PUDP: variants seen among roughly 807,000 people sequenced by gnomAD.
PUDP encodes pseudouridine 5'-phosphatase, also known as pseudouridine-5'-phosphatase.
PUDP carries 8 observed loss-of-function variants against 9.4 expected under a neutral mutation model. The ratio of observed to expected loss-of-function variants is 0.85; its 90% CI spans 0.50 to 1.53. PUDP has a LOEUF of 1.53. Ranked by LOEUF, PUDP falls within the 40% of genes most tolerant of loss-of-function variation. The pLI, the probability that PUDP is intolerant of heterozygous loss-of-function variation, is 0.00. For missense variants in PUDP, 188 were observed against 189.7 expected (o/e 0.99, Z 0.05); for synonymous variants, 99 against 80.7 (o/e 1.23, Z -1.22).
intron 1 of PUDP, among the ~76,000 whole-genome samples, chrX:6,719,528 G>T (rs1924637188): frequency 8.9e-6 from 1 of 112,198 alleles, no homozygotes; most frequent in African/African-American, 3.2e-5. Flanking sequence ...GCAGTAACTT[G>T]TTATGCAGCA....
downstream of PUDP, among the ~76,000 whole-genome samples, chrX:7,047,040 T>C (rs779260783): frequency 8.9e-6 from 1 of 112,182 alleles, no homozygotes; most frequent in East Asian, 2.8e-4. Context: ...GAGAAGCCCC[T>C]GCCATACTGT....
At chrX:6,713,052 C>T (rs994718060) in intron 1 of PUDP, among the ~76,000 whole-genome samples, 1 of 111,470 alleles carries the variant, frequency 9.0e-6, no homozygotes, top group East Asian at 2.8e-4. Context: ...CTCAAAAAAA[C>T]AAACAAAAAG....
intron 3 of PUDP, among the ~76,000 whole-genome samples, chrX:6,886,770 A>C (rs981282477): frequency 2.7e-5 from 3 of 111,053 alleles, no homozygotes; most frequent in Non-Finnish European, 3.8e-5. Flanking sequence ...CTCTTTTATA[A>C]TTAAAAATTG....
intron 1 of PUDP, among the ~76,000 whole-genome samples, chrX:6,979,321 C>CGTGGTG (rs1929000237): frequency 9.0e-6 from 1 of 111,002 alleles, no homozygotes; most frequent in South Asian, 3.8e-4. Context: ...CCACCTCCTC[C>CGTGGTG]ACACACATCT....
chrX:6,823,955 C>T (rs1926385192), intron 3 of PUDP, among the ~76,000 whole-genome samples: 1 of 112,657 alleles, frequency 8.9e-6, no homozygotes, highest in African/African-American at 3.2e-5. Flanking sequence ...AGGTCACTCT[C>T]ATTGCCATCT....
intron 3 of PUDP, among the ~76,000 whole-genome samples, chrX:6,973,111 A>G (rs925599438): frequency 9.0e-6 from 1 of 111,582 alleles, no homozygotes; most frequent in Admixed American, 9.5e-5. Flanking sequence ...CTTCTTTATT[A>G]GTCTGGCTAG....
At chrX:7,098,215 G>A (rs772309748) in intron 2 of PUDP, among the ~76,000 whole-genome samples, 2 of 112,496 alleles carry the variant, frequency 1.8e-5, no homozygotes, top group South Asian at 7.3e-4. Flanking sequence ...TCTGGGACTG[G>A]ACACTTGTAA....
At chrX:7,088,124 C>T (rs1320329662) in intron 2 of PUDP, among the ~76,000 whole-genome samples, 1 of 112,084 alleles carries the variant, frequency 8.9e-6, no homozygotes, top group East Asian at 2.8e-4. Context: ...CTATTTTTTT[C>T]AGCCATTGAA....
chrX:6,857,334 C>T (rs1347428577), intron 3 of PUDP, among the ~76,000 whole-genome samples: 1 of 113,179 alleles, frequency 8.8e-6, no homozygotes, highest in African/African-American at 3.2e-5. Context: ...GTTGATAAAG[C>T]TGCACTCATA....
chrX:7,084,244 T>TG (rs1350466320), intron 2 of PUDP, among the ~76,000 whole-genome samples: 1 of 112,267 alleles, frequency 8.9e-6, no homozygotes, highest in Non-Finnish European at 1.9e-5. Context: ...GTTGTATGTA[T>TG]GTGGTTAGAA....
At chrX:6,899,443 C>T (rs1481310453) in intron 3 of PUDP, among the ~76,000 whole-genome samples, 1 of 111,245 alleles carries the variant, frequency 9.0e-6, no homozygotes, top group Non-Finnish European at 1.9e-5. Context: ...TAGCATGACC[C>T]ATGCCTGTAA....
intron 3 of PUDP, among the ~76,000 whole-genome samples, chrX:6,798,911 C>T (rs983142706): frequency 9.0e-6 from 1 of 111,352 alleles, no homozygotes; most frequent in Non-Finnish European, 1.9e-5. Flanking sequence ...TCAGCCTCCC[C>T]AGTAGCTGTA....
intron 1 of PUDP, among the ~76,000 whole-genome samples, chrX:7,120,015 A>C (rs73627530): frequency 2.6e-3 from 296 of 112,137 alleles, no homozygotes; most frequent in African/African-American, 9.0e-3. Flanking sequence ...AGAAAGCAAA[A>C]GGCAAGCTAC....
chrX:6,896,411 T>C lies in PUDP; in HGVS notation c.*247+80722A>G, dbSNP rs1927592713. ...CATTGTTTAAATGGAAAAGTAAATG[T>C]TTTCCTTTGCCTGAACATTAGATTG... On this transcript the variant is annotated intron_variant and NMD_transcript_variant, in intron 3 of 3. Coordinates refer to the PUDP transcript ENST00000655425. 3.6e-5 allele frequency among the ~76,000 whole-genome samples: 4 copies of C among 111,837 alleles called. No individual in the cohort carries two copies. The Admixed American group carries it at 3.8e-4, about 11-fold the overall frequency.
intron 3 of PUDP, among the ~76,000 whole-genome samples, chrX:6,770,415 TG>T (rs1925344823): frequency 2.7e-5 from 3 of 112,501 alleles, no homozygotes. Flanking sequence ...ACAGACCCAA[TG>T]GGGTAAGATA....
intron 1 of PUDP, among the ~76,000 whole-genome samples, chrX:7,126,077 T>TGTA (rs1932479131): frequency 8.9e-6 from 1 of 111,936 alleles, no homozygotes; most frequent in Non-Finnish European, 1.9e-5. Flanking sequence ...TTTAGGGCAA[T>TGTA]GTAAATCATC....
intron 1 of PUDP, among the ~76,000 whole-genome samples, chrX:6,712,409 C>T (rs1159889115): frequency 2.7e-5 from 3 of 112,040 alleles, no homozygotes; most frequent in South Asian, 3.7e-4. Context: ...CTCAGTCTCC[C>T]AAAATGCTGG....
At chrX:6,735,157 CACA>C (rs755637459) in intron 3 of PUDP, among the ~76,000 whole-genome samples, 1 of 112,099 alleles carries the variant, frequency 8.9e-6, no homozygotes, top group Non-Finnish European at 1.9e-5. Flanking sequence ...CTGTACTCCT[CACA>C]ACACTTCATG....
At chrX:7,041,673 G>A (rs1368887555) in intron 1 of PUDP, among the ~76,000 whole-genome samples, 2 of 111,823 alleles carry the variant, frequency 1.8e-5, no homozygotes, top group Non-Finnish European at 3.8e-5. Context: ...GTTTTGACCT[G>A]TAGTGACAGA....
Sources: gnomAD v4.1 joint callset for allele counts (sites outside exome capture counted in the v4.1 genomes callset) on GRCh38, gnomAD v4.1.1 for gene constraint, MANE v1.5 for transcripts, NCBI Gene and HGNC (gene_info 2026-07-23, HGNC 2026-07-21) for gene names.